SRRM3: variants seen among roughly 807,000 people sequenced by gnomAD.
SRRM3 encodes the protein serine/arginine repetitive matrix 3.
Under a neutral mutation model 66.2 loss-of-function variants are expected in SRRM3, and 27 were observed. The ratio of observed to expected loss-of-function variants is 0.41; its 90% CI spans 0.30 to 0.56. SRRM3 has a LOEUF of 0.56. SRRM3 is among the 20% of genes least tolerant of loss of function. The pLI, the probability that SRRM3 is intolerant of heterozygous loss-of-function variation, is 0.32. For synonymous variants in SRRM3, 391 were observed against 414.9 expected, an observed-to-expected ratio of 0.94 and a Z score of 0.70; for missense variants, 918 against 991.9, an observed-to-expected ratio of 0.93 and a Z score of 1.00.
chr7:76,223,882 C>A (rs1419062003), intron 1 of SRRM3, among the ~76,000 whole-genome samples: 1 of 110,492 alleles, frequency 9.1e-6, no homozygotes. Flanking sequence ...CTTCCCTTCC[C>A]TTCCCTTCCC....
chr7:76,233,863 C>A (rs1241597797), intron 1 of SRRM3, among the ~76,000 whole-genome samples: 1 of 152,150 alleles, frequency 6.6e-6, no homozygotes, highest in African/African-American at 2.4e-5. Flanking sequence ...CACTCTGTCC[C>A]CTTCAGAGCC....
chr7:76,270,263 C>T (rs781817056), intron 11 of SRRM3, among the ~76,000 whole-genome samples: 80 of 152,192 alleles, frequency 5.3e-4, no homozygotes, highest in Non-Finnish European at 1.1e-3. Flanking sequence ...GGGAGCAGGA[C>T]AGGCTGTTCA....
intron 11 of SRRM3, among the ~76,000 whole-genome samples, chr7:76,270,158 G>A (rs1373295584): frequency 2.6e-5 from 4 of 152,174 alleles, no homozygotes; most frequent in African/African-American, 9.7e-5. Context: ...ACCCAGGGAG[G>A]GGAAGAGACT....
chr7:76,248,093 AC>A (rs1316773586), intron 2 of SRRM3, 94 bp from the exon 3 acceptor site: 1 of 905,364 alleles, frequency 1.1e-6, no homozygotes, highest in African/African-American at 1.6e-5. Context: ...TGCACTTGTG[AC>A]CCAGGGGTTG....
rs1421735695 is a variant in SRRM3, at chr7:76,282,613, G to T, written c.1371-35G>T. ...CCGCCCCCAGCCCCCTTTCCGGGTC[G>T]CTGAGCCCTATCCCGCGCCGTCTCC... On this transcript the variant is annotated intron_variant, in intron 12 of 14. Transcript: ENST00000611745. The T allele has an allele frequency of 2.0e-5, 24 of 1,196,566 alleles. No homozygotes were observed. The African/African-American group carries it at 4.0e-4, about 20-fold the overall frequency. 74.1% of individuals were successfully genotyped at this position (1,196,566 alleles called of 1,614,324 possible).
At chr7:76,212,644 T>C (rs909938877) in intron 1 of SRRM3, among the ~76,000 whole-genome samples, 14 of 150,768 alleles carry the variant, frequency 9.3e-5, no homozygotes, top group African/African-American at 3.4e-4. Context: ...AATTTTTGTG[T>C]TTTTAGTAGA....
intron 12 of SRRM3, 92 bp from the exon 13 acceptor site, chr7:76,282,556 T>TC: frequency 2.5e-5 from 5 of 202,586 alleles, no homozygotes; most frequent in South Asian, 1.9e-4. Context: ...ACCCCGCCCC[T>TC]CCGCCCTAAG....
At chr7:76,230,391 C>G (rs6954252) in intron 1 of SRRM3, among the ~76,000 whole-genome samples, 46,432 of 151,862 alleles carry the variant, frequency 0.31, 7,690 homozygotes, top group East Asian at 0.45. Context: ...GACTCATGCC[C>G]GTAATCCCAA....
intron 12 of SRRM3, among the ~76,000 whole-genome samples, chr7:76,282,189 C>G (rs1802535719): frequency 1.3e-5 from 2 of 150,390 alleles, no homozygotes; most frequent in African/African-American, 4.9e-5. Flanking sequence ...CCACTGACCT[C>G]CAAACTCCAG....
chr7:76,249,834 C>T (rs1247561315), intron 3 of SRRM3, among the ~76,000 whole-genome samples: 3 of 151,904 alleles, frequency 2.0e-5, no homozygotes, highest in Non-Finnish European at 4.4e-5. Context: ...ATCACTTGAA[C>T]CCGCCTCAGA....
chr7:76,283,642 C>T (rs782559417), intron 14 of SRRM3: 3 of 542,942 alleles, frequency 5.5e-6, no homozygotes, highest in South Asian at 4.6e-5. Flanking sequence ...CGTCTGTCTG[C>T]CTCTCTCTTT....
chr7:76,268,405 T>C (rs1359826540), intron 11 of SRRM3: 5 of 150,058 alleles, frequency 3.3e-5, no homozygotes, highest in Non-Finnish European at 5.9e-5. Flanking sequence ...GGGGGGTGGC[T>C]TGGGGTGGGG....
At chr7:76,257,056 T>C (rs1306871259) in intron 3 of SRRM3, among the ~76,000 whole-genome samples, 2 of 152,130 alleles carry the variant, frequency 1.3e-5, no homozygotes, top group Admixed American at 1.3e-4. Context: ...GAGGTCTTTA[T>C]GACCTGTATT....
chr7:76,264,289 C>T (rs1801956858), intron 8 of SRRM3, among the ~76,000 whole-genome samples: 1 of 151,814 alleles, frequency 6.6e-6, no homozygotes, highest in Admixed American at 6.6e-5. Flanking sequence ...GCCTCAGCCT[C>T]CCTAGTAGCT....
intron 11 of SRRM3, chr7:76,268,585 TTTCTC>T (rs1802131620): frequency 1.3e-5 from 2 of 152,220 alleles, no homozygotes; most frequent in Admixed American, 6.5e-5. Context: ...CTCCCTTTCT[TTTCTC>T]AAACACCCTT....
chr7:76,219,859 G>A (rs1009969205), intron 1 of SRRM3, among the ~76,000 whole-genome samples: 19 of 151,490 alleles, frequency 1.3e-4, no homozygotes, highest in African/African-American at 2.2e-4. Context: ...GCAGTGAGCC[G>A]AGATCACACC....
Position 76,260,889 on chromosome 7 carries a change from G to T in SRRM3, c.561G>T (p.Leu187=). 1.3e-6 allele frequency: 2 copies of T among 1,561,862 alleles called. No individual in the cohort carries two copies. Among genetic ancestry groups the T allele is most frequent in the East Asian group, 2.4e-5 (1 of 41,898 alleles). ...GHRRSRKKRR[L]ESECSCGSSS... ...CTGCCCTCAGCAAAAAGAGGAGACT[G>T]GAGTCCGAATGCAGGTCAGTGGGGA... Residue 187 remains leucine, a synonymous_variant, in exon 6 of 15, where the codon CTG becomes CTT. Transcript: ENST00000611745.
rs114992838 is a variant in SRRM3 at position 76,285,403 on chromosome 7, G to A, written c.1734-212G>A. On this transcript the variant is annotated intron_variant, in intron 14 of 14. Transcript: ENST00000611745. The surrounding 1 kb of genome is among the most constrained non-coding windows in gnomAD (Gnocchi z 4.1). ...TTAGCAGGTGTTCGGATCGGGCAGA[G>A]ACATGGTCTCCTTTCCCTGCAGATA... is the stretch of plus-strand genomic sequence containing the variant. The A allele has an allele frequency of 1.1e-3, 659 of 587,726 alleles. No homozygotes were observed. The highest frequency in any genetic ancestry group is 0.011 in the African/African-American group (571 of 53,664). The allele number at this position is 587,726 out of a possible 1,614,324, so 36.4% of individuals were successfully genotyped here. A position where few individuals can be genotyped will look rare whatever the true frequency, so the allele number is the denominator to read the frequency against.
intron 1 of SRRM3, among the ~76,000 whole-genome samples, chr7:76,216,587 C>T (rs1800576365): frequency 6.6e-6 from 1 of 152,132 alleles, no homozygotes; most frequent in Admixed American, 6.6e-5. Context: ...TTCCAGTACA[C>T]TGGAGGTGCA....
Sources: allele counts gnomAD v4.1 joint callset (sites outside exome capture counted in the v4.1 genomes callset), GRCh38; gene constraint gnomAD v4.1.1; non-coding constraint Gnocchi (gnomAD v3.1); transcripts MANE v1.5; gene names NCBI Gene and HGNC (gene_info 2026-07-23, HGNC 2026-07-21).